DIAPH2: variants seen among roughly 807,000 people sequenced by gnomAD.
DIAPH2 encodes the protein protein diaphanous homolog 2.
DIAPH2 carries 35 observed loss-of-function variants against 92.7 expected under a neutral mutation model. The observed-to-expected ratio is 0.38, with a 90% CI of 0.29 to 0.50. The LOEUF is 0.50. Among genes scored for constraint, DIAPH2 ranks in the 20% least tolerant of loss-of-function variants. The pLI, the probability that DIAPH2 is intolerant of heterozygous loss-of-function variation, is 0.94. For synonymous variants in DIAPH2, 301 were observed against 280.4 expected (o/e 1.07, Z -0.73); for missense variants, 701 against 819.5 (o/e 0.86, Z 1.77).
chrX:97,298,845 A>G (rs910087798), intron 23 of DIAPH2, among the ~76,000 whole-genome samples: 1 of 110,054 alleles, frequency 9.1e-6, no homozygotes, highest in Non-Finnish European at 1.9e-5. Context: ...GTCTCGATCT[A>G]CTGACCTCGT....
chrX:97,543,409 A>G (rs1320472088), intron 26 of DIAPH2, among the ~76,000 whole-genome samples: 1 of 112,443 alleles, frequency 8.9e-6, no homozygotes, highest in East Asian at 2.8e-4. Flanking sequence ...AAGAAGGTGC[A>G]CATAGTATGT....
intron 1 of DIAPH2, among the ~76,000 whole-genome samples, chrX:96,708,397 G>A (rs1164445951): frequency 1.8e-5 from 2 of 109,202 alleles, no homozygotes; most frequent in Non-Finnish European, 3.8e-5. Flanking sequence ...GCCTGCCACC[G>A]CGCCTGGCTA....
In DIAPH2 at chrX:96,918,401, A is replaced by G. The variant is rs989611996; in HGVS notation, c.870-108A>G. 5.8e-5 allele frequency: 28 copies of G among 479,541 alleles called. No homozygotes were observed. The African/African-American group carries it at 6.0e-4, about 10-fold the overall frequency. 39.5% of individuals were successfully genotyped at this position (479,541 alleles called of 1,213,427 possible). A position where few individuals can be genotyped will look rare whatever the true frequency, so the allele number is the denominator to read the frequency against. ...ATTTTTAAAAATTCTAATGGTATAT[A>G]TAAACATCAAATACCAGAAAGAAAA... On this transcript the variant is annotated intron_variant, in intron 8 of 26. Coordinates refer to ENST00000324765, the MANE Select transcript of DIAPH2 (RefSeq NM_006729.5).
chrX:97,351,539 G>T (rs762382476), intron 24 of DIAPH2, among the ~76,000 whole-genome samples: 1 of 111,744 alleles, frequency 8.9e-6, no homozygotes, highest in Non-Finnish European at 1.9e-5. Flanking sequence ...ATTAGGGCCC[G>T]GCGCGGTGGC....
chrX:97,084,918 G>T (rs2066772892), intron 19 of DIAPH2, among the ~76,000 whole-genome samples: 1 of 111,360 alleles, frequency 9.0e-6, no homozygotes, highest in African/African-American at 3.3e-5. Flanking sequence ...TCCATCAATT[G>T]TTTCCAACAG....
At chrX:97,340,238 G>A (rs1175996995) in intron 23 of DIAPH2, among the ~76,000 whole-genome samples, 1 of 111,593 alleles carries the variant, frequency 9.0e-6, no homozygotes, top group Non-Finnish European at 1.9e-5. Flanking sequence ...AGAGGTTCTA[G>A]CATTAGTTAT....
chrX:97,441,866 A>G (rs2070262880), intron 26 of DIAPH2, among the ~76,000 whole-genome samples: 2 of 113,345 alleles, frequency 1.8e-5, no homozygotes, highest in African/African-American at 6.4e-5. Context: ...CAGACATCAC[A>G]TGTATTGGCT....
At position 97,434,845 on chromosome X, in the gene DIAPH2, T is replaced by C. The variant is rs755179055; in HGVS notation, c.3241+5100T>C. Among the ~76,000 whole-genome samples, 26 of 112,061 alleles carry C rather than the reference T, an allele frequency of 2.3e-4. No individual in the cohort carries two copies. In the South Asian group the frequency reaches 9.3e-3, roughly 40 times the overall value. On this transcript the variant is annotated intron_variant, in intron 26 of 26. Transcript: ENST00000324765. ...GATGTCCAGAAGATTTTTGGAAATA[T>C]AGTTACAGATTTCATGACAAAATGA...
intron 23 of DIAPH2, among the ~76,000 whole-genome samples, chrX:97,248,542 T>C (rs1457072254): frequency 1.8e-5 from 2 of 111,644 alleles, no homozygotes; most frequent in Non-Finnish European, 3.8e-5. Context: ...TAAACTACAT[T>C]AGACCTGATT....
chrX:97,417,997 G>T (rs1338783554), intron 25 of DIAPH2, among the ~76,000 whole-genome samples: 2 of 111,755 alleles, frequency 1.8e-5, no homozygotes, highest in African/African-American at 6.5e-5. Context: ...CACTGAGATG[G>T]TGGCTAACTG....
chrX:96,757,037 C>G (rs1489753536), intron 3 of DIAPH2, among the ~76,000 whole-genome samples: 2 of 105,587 alleles, frequency 1.9e-5, no homozygotes, highest in African/African-American at 6.9e-5. Flanking sequence ...CCTGCCTCAG[C>G]TTCCTGAGAA....
chrX:97,467,642 T>TA (rs1270371297), intron 26 of DIAPH2, among the ~76,000 whole-genome samples: 5 of 112,059 alleles, frequency 4.5e-5, no homozygotes, highest in African/African-American at 6.5e-5. Context: ...AGCAGTTTTT[T>TA]AAAAAACTTT....
At chrX:97,482,885 T>A (rs1172857836) in intron 26 of DIAPH2, among the ~76,000 whole-genome samples, 1 of 111,425 alleles carries the variant, frequency 9.0e-6, no homozygotes, top group Non-Finnish European at 1.9e-5. Context: ...CTCAGAGGCA[T>A]GTGGCCCAGT....
chrX:97,574,538 G>T (rs773028875), intron 26 of DIAPH2, among the ~76,000 whole-genome samples: 68 of 111,588 alleles, frequency 6.1e-4, no homozygotes, highest in African/African-American at 2.1e-3. Context: ...GACAATCACA[G>T]TATAAAGCTC....
At chrX:96,799,949 G>T (rs1451585101) in intron 4 of DIAPH2, among the ~76,000 whole-genome samples, 1 of 110,784 alleles carries the variant, frequency 9.0e-6, no homozygotes, top group Non-Finnish European at 1.9e-5. Context: ...GATCCTTGTT[G>T]TTTCTACAAA....
chrX:96,879,210 G>A (rs747577776), intron 4 of DIAPH2, among the ~76,000 whole-genome samples: 3 of 110,582 alleles, frequency 2.7e-5, no homozygotes, highest in South Asian at 3.8e-4. Flanking sequence ...ATGGTGTTGC[G>A]ATGATAACTA....
chrX:97,276,289 CAGGGAG>C (rs1232546113), intron 23 of DIAPH2, among the ~76,000 whole-genome samples: 5 of 111,571 alleles, frequency 4.5e-5, no homozygotes, highest in Non-Finnish European at 7.5e-5. Flanking sequence ...GGGACAGGGA[CAGGGAG>C]AGGGAGAGGG....
chrX:97,096,702 A>G lies in DIAPH2; in HGVS notation c.2248-2992A>G, dbSNP rs767202174. Reference sequence around the variant, plus strand: ...CTTTCCTTTTTAAATGTACTTGATTAGAGGAGTACCAAAGCAGTGCTCTTC... The same window carrying G: ...CTTTCCTTTTTAAATGTACTTGATTGGAGGAGTACCAAAGCAGTGCTCTTC... On this transcript the variant is annotated intron_variant, in intron 19 of 26. Transcript: ENST00000324765. Among the ~76,000 whole-genome samples the G allele has an allele frequency of 6.3e-5, 7 of 111,541 alleles. No individual in the cohort carries two copies. The East Asian group carries it at 2.0e-3, about 32-fold the overall frequency.
chrX:97,546,027 A>G (rs2071178930), intron 26 of DIAPH2, among the ~76,000 whole-genome samples: 1 of 111,418 alleles, frequency 9.0e-6, no homozygotes, highest in Non-Finnish European at 1.9e-5. Flanking sequence ...AATGAGACTT[A>G]ATATATGGAC....
Sources: allele counts gnomAD v4.1 joint callset (sites outside exome capture counted in the v4.1 genomes callset), GRCh38; gene constraint gnomAD v4.1.1; transcripts MANE v1.5; gene names NCBI Gene and HGNC (gene_info 2026-07-23, HGNC 2026-07-21).